EGF: variants seen among roughly 807,000 people sequenced by gnomAD.
The protein encoded by EGF is epidermal growth factor, also known as pro-epidermal growth factor.
EGF carries 95 observed loss-of-function variants against 143.8 expected under a neutral mutation model. The ratio of observed to expected loss-of-function variants is 0.66; its 90% confidence interval spans 0.56 to 0.78. The LOEUF (loss-of-function observed/expected upper bound fraction) is 0.78, where lower values mean the gene tolerates loss of function less well. EGF is among the 30% of genes least tolerant of loss of function. The pLI is 0.00. For missense variants in EGF, 1,320 were observed against 1,470.9 expected (o/e 0.90, Z 1.68); for synonymous variants, 510 against 510.5 (o/e 1.00, Z 0.01).
chr4:109,996,118 T>C (rs745593637), intron 20 of EGF, among the ~76,000 whole-genome samples: 8 of 152,210 alleles, frequency 5.3e-5, no homozygotes, highest in African/African-American at 9.6e-5. Context: ...AATGTCCGAA[T>C]GTATTAGGTC....
At chr4:109,979,244 A>G (rs1748951767) in intron 13 of EGF, among the ~76,000 whole-genome samples, 1 of 152,054 alleles carries the variant, frequency 6.6e-6, no homozygotes, top group South Asian at 2.1e-4. Flanking sequence ...GACAAGGAGG[A>G]GCTAGAGGGG....
chr4:109,913,210 A>G lies in EGF; in HGVS notation c.-126A>G. On this transcript the variant is annotated 5_prime_UTR_variant, in exon 1 of 24. Transcript: ENST00000265171. ...GACAACAGCACAACAGGAGAGTAAA[A>G]GATGCCCCAGGGCTGAGGCCTCCGC... is the stretch of plus-strand genomic sequence containing the variant. 1.7e-6 allele frequency: 2 copies of G among 1,189,614 alleles called. No individual in the cohort carries two copies. The highest frequency in any genetic ancestry group is 2.5e-6 in the Non-Finnish European group (2 of 811,542). 73.7% of individuals were successfully genotyped at this position (1,189,614 alleles called of 1,614,324 possible). A position where few individuals can be genotyped will look rare whatever the true frequency, so the allele number is the denominator to read the frequency against.
intron 1 of EGF, among the ~76,000 whole-genome samples, chr4:109,934,249 G>A (rs1321398341): frequency 6.6e-6 from 1 of 152,142 alleles, no homozygotes; most frequent in Non-Finnish European, 1.5e-5. Context: ...AGAGTTTGCT[G>A]AAGTTGCCTA....
chr4:109,973,320 C>T (rs536533732), intron 11 of EGF, among the ~76,000 whole-genome samples: 1 of 152,308 alleles, frequency 6.6e-6, no homozygotes, highest in East Asian at 1.9e-4. Flanking sequence ...GCAAGTATAA[C>T]TGCCCCACAT....
rs562365200 is a variant in EGF at position 109,925,709 on chromosome 4, C to T, written c.127+12247C>T. Among the ~76,000 whole-genome samples the T allele has an allele frequency of 3.3e-5, 5 of 152,172 alleles. No individual in the cohort carries two copies. The South Asian group carries it at 1.0e-3, about 32-fold the overall frequency. On this transcript the variant is annotated intron_variant, in intron 1 of 23. Coordinates refer to ENST00000265171, the MANE Select transcript of EGF (RefSeq NM_001963.6). ...TCTATGAGAGAGTAAGGGAAAAATGCAACAGAAAAGAAATTTTCTCAGTGA... is the reference window on the plus strand; with the variant it reads ...TCTATGAGAGAGTAAGGGAAAAATGTAACAGAAAAGAAATTTTCTCAGTGA...
chr4:110,008,065 TA>T, intron 22 of EGF, 86 bp from the exon 23 acceptor site: 1 of 1,238,082 alleles, frequency 8.1e-7, no homozygotes, highest in Non-Finnish European at 1.2e-6. Context: ...ATGAACATCG[TA>T]AAGCCATAGA....
In EGF at chr4:110,004,336, C is replaced by A. The variant is rs3733626; in HGVS notation, c.3174-169C>A. 126,432 of 715,050 alleles carry A rather than the reference C, an allele frequency of 0.18. 24,988 individuals carry two copies. Among genetic ancestry groups the A allele is most frequent in the African/African-American group, 0.62 (35,378 of 57,000 alleles). 44.3% of individuals were successfully genotyped at this position (715,050 alleles called of 1,614,324 possible). On this transcript the variant is annotated intron_variant, in intron 21 of 23. Coordinates refer to ENST00000265171, the MANE Select transcript of EGF (RefSeq NM_001963.6). ...AGCATTTTGAGTTCTGCAGAAAAGACTGCCTTAAACATCTAAAGTTATGTT... is the reference window on the plus strand; with the variant it reads ...AGCATTTTGAGTTCTGCAGAAAAGAATGCCTTAAACATCTAAAGTTATGTT...
At position 110,011,949 on chromosome 4, in the gene EGF, C is replaced by A. The variant is rs1245032376; in HGVS notation, c.*494C>A. ...TAACTCCTCATTGGCGTGGTCCATG[C>A]TGATGATTTTGCAAAATGAGTTGTG... On this transcript the variant is annotated 3_prime_UTR_variant, in exon 24 of 24. Coordinates refer to ENST00000265171, the MANE Select transcript of EGF (RefSeq NM_001963.6). The A allele has an allele frequency of 6.5e-6, 1 of 154,166 alleles. No homozygotes were observed. The highest frequency in any genetic ancestry group is 1.4e-5 in the Non-Finnish European group (1 of 69,330). 9.5% of individuals were successfully genotyped at this position (154,166 alleles called of 1,614,324 possible).
At chr4:109,984,772 A>G (rs1357351625) in intron 16 of EGF, among the ~76,000 whole-genome samples, 1 of 152,250 alleles carries the variant, frequency 6.6e-6, no homozygotes, top group Admixed American at 6.5e-5. Flanking sequence ...CTATTAAGTT[A>G]GTGACTTGAC....
chr4:109,941,205 T>C lies in EGF; in HGVS notation c.327+60T>C, dbSNP rs1741872829. ...TTTGTACAGGCTGACAAATATAATA[T>C]ACTGAATTCTTAATGTATAGATAAA... is the stretch of plus-strand genomic sequence containing the variant. On this transcript the variant is annotated intron_variant, in intron 2 of 23. Transcript: ENST00000265171. The C allele has an allele frequency of 2.7e-6, 4 of 1,456,290 alleles. No individual in the cohort carries two copies. In the East Asian group the frequency reaches 7.0e-5, roughly 25 times the overall value. 90.2% of individuals were successfully genotyped at this position (1,456,290 alleles called of 1,614,324 possible).
At chr4:109,998,182 G>A (rs1428393402) in intron 20 of EGF, among the ~76,000 whole-genome samples, 1 of 152,164 alleles carries the variant, frequency 6.6e-6, no homozygotes, top group East Asian at 1.9e-4. Context: ...CAGAGGTGTG[G>A]CCCATTAACA....
chr4:109,947,611 T>C (rs1469764847), intron 5 of EGF, among the ~76,000 whole-genome samples: 1 of 152,202 alleles, frequency 6.6e-6, no homozygotes, highest in African/African-American at 2.4e-5. Context: ...CACTGCCACA[T>C]ACCTTCCATG....
intron 1 of EGF, among the ~76,000 whole-genome samples, chr4:109,931,951 G>T (rs1739779657): frequency 6.6e-6 from 1 of 152,054 alleles, no homozygotes; most frequent in African/African-American, 2.4e-5. Flanking sequence ...TTTTTGAAAA[G>T]TTACAGAAGT....
Position 109,936,613 on chromosome 4 carries a change from G to A in EGF, c.128-4333G>A, listed in dbSNP as rs57694253. ...GAATTTGTTTGCTCTTGCTTCACTA[G>A]TTCTTTTAATTGTTATGTTAAGGTG... On this transcript the variant is annotated intron_variant, in intron 1 of 23. Coordinates refer to ENST00000265171, the MANE Select transcript of EGF (RefSeq NM_001963.6). Among the ~76,000 whole-genome samples, 1,381 of 152,164 alleles carry A rather than the reference G, an allele frequency of 9.1e-3. 17 individuals carry two copies. The highest frequency in any genetic ancestry group is 0.03 in the African/African-American group (1,230 of 41,508).
At chr4:109,983,871 G>T (rs1300673560) in intron 16 of EGF, among the ~76,000 whole-genome samples, 1 of 152,158 alleles carries the variant, frequency 6.6e-6, no homozygotes, top group African/African-American at 2.4e-5. Context: ...TTGGTATTTG[G>T]TCCACCTTGC....
Position 109,913,530 on chromosome 4 carries a change from T to G in EGF, c.127+68T>G, listed in dbSNP as rs11568851. The G allele has an allele frequency of 9.5e-6, 15 of 1,586,780 alleles. No homozygotes were observed. The Admixed American group carries it at 1.4e-4, about 15-fold the overall frequency. The stretch of plus-strand genomic sequence containing the variant: ...TGCCCCCACATCCCTGTTGGTTCAA[T>G]CTGGTATACTTGGGCATTTAACAAA... On this transcript the variant is annotated intron_variant, in intron 1 of 23. Transcript: ENST00000265171.
intron 17 of EGF, 71 bp downstream of exon 17, chr4:109,987,931 C>A: frequency 8.4e-7 from 1 of 1,186,110 alleles, no homozygotes. Context: ...CTCTTTCTGA[C>A]TCAAAAACTC....
At chr4:109,920,806 G>A (rs1400594703) in intron 1 of EGF, among the ~76,000 whole-genome samples, 1 of 151,646 alleles carries the variant, frequency 6.6e-6, no homozygotes, top group South Asian at 2.1e-4. Flanking sequence ...ACAGGCCAGC[G>A]CTTTCCTCCA....
chr4:110,003,855 G>A (rs539509220), intron 21 of EGF, among the ~76,000 whole-genome samples: 2 of 152,154 alleles, frequency 1.3e-5, no homozygotes, highest in African/African-American at 4.8e-5. Flanking sequence ...CACTCCTTCT[G>A]TCTTTGCCTC....
Sources: gnomAD v4.1 joint callset for allele counts (sites outside exome capture counted in the v4.1 genomes callset) on GRCh38, gnomAD v4.1.1 for gene constraint, MANE v1.5 for transcripts, NCBI Gene and HGNC (gene_info 2026-07-23, HGNC 2026-07-21) for gene names.